The following RGCC variants were observed in gnomAD, a reference collection of about 807,000 sequenced individuals.
RGCC encodes regulator of cell cycle RGCC.
RGCC carries 15 observed loss-of-function variants against 15.4 expected under a neutral mutation model. That is an observed-to-expected ratio of 0.97 (90% CI 0.65 to 1.50). The LOEUF (loss-of-function observed/expected upper bound fraction) is 1.50. RGCC is among the 40% of genes most tolerant of loss of function. The pLI is 0.00. For synonymous variants in RGCC, 81 were observed against 78.0 expected, an observed-to-expected ratio of 1.04 and a Z score of -0.20; for missense variants, 176 against 189.7, an observed-to-expected ratio of 0.93 and a Z score of 0.42.
Position 41,458,273 on chromosome 13 carries a change from C to A in RGCC, c.50-12C>A. On this transcript the variant is annotated splice_polypyrimidine_tract_variant and intron_variant, in intron 1 of 4. Coordinates refer to ENST00000379359, the MANE Select transcript of RGCC (RefSeq NM_014059.3). This position sits in a 1 kb window ranked among gnomAD's most constrained non-coding sequence, Gnocchi z 4.4. ...TGACTTCCGTGCACTGAGCCCCTGG[C>A]CCTGCCCGCAGCCCCGGCCCTGGAC... 6.4e-7 allele frequency: 1 copy of A among 1,558,540 alleles called. No homozygotes were observed. Among genetic ancestry groups the A allele is most frequent in the Middle Eastern group, 2.1e-4 (1 of 4,828 alleles).
At chr13:41,466,740 G>A (rs2043851191) in intron 2 of RGCC, 83 bp from the exon 3 acceptor site, 1 of 964,518 alleles carries the variant, frequency 1.0e-6, no homozygotes, top group African/African-American at 1.6e-5. Flanking sequence ...AAGACAAATT[G>A]TTGGTTATCA....
At chr13:41,469,925 C>T (rs1047116023) in intron 4 of RGCC, among the ~76,000 whole-genome samples, 5 of 152,174 alleles carry the variant, frequency 3.3e-5, no homozygotes, top group African/African-American at 9.7e-5. Context: ...GAAGGTTCAG[C>T]AACTCTACTA....
At chr13:41,463,203 C>G (rs2043830085) in intron 2 of RGCC, among the ~76,000 whole-genome samples, 1 of 152,178 alleles carries the variant, frequency 6.6e-6, no homozygotes, top group African/African-American at 2.4e-5. Context: ...GGCATAGATG[C>G]TAGATGCCCA....
chr13:41,458,509 C>A lies in RGCC; in HGVS notation c.235+39C>A. 1.3e-6 allele frequency: 2 copies of A among 1,562,148 alleles called. No individual in the cohort carries two copies. Among genetic ancestry groups the A allele is most frequent in the East Asian group, 2.4e-5 (1 of 42,516 alleles). ...CCGCTAGGATGGCGCCGGGATCTCC[C>A]AGCTCCCAGGACCTGCCCCGCGAAG... On this transcript the variant is annotated intron_variant, in intron 2 of 4. Transcript: ENST00000379359. The surrounding 1 kb of genome is among the most constrained non-coding windows in gnomAD (Gnocchi z 4.4).
chr13:41,462,450 A>C (rs2043826383), intron 2 of RGCC, among the ~76,000 whole-genome samples: 2 of 152,196 alleles, frequency 1.3e-5, no homozygotes. Flanking sequence ...ACTTCAGTAC[A>C]CTAACTAGAC....
rs1218639645 is a variant in RGCC at position 41,470,599 on chromosome 13, A to G, written c.*114A>G. On this transcript the variant is annotated 3_prime_UTR_variant, in exon 5 of 5. Coordinates refer to ENST00000379359, the MANE Select transcript of RGCC (RefSeq NM_014059.3). ...CAGAGGGGACAAAGACGTGCACTCA[A>G]CCTTCTACCAGGCCACTCTCAGGCT... 15 of 1,034,718 alleles carry G rather than the reference A, an allele frequency of 1.4e-5. No individual in the cohort carries two copies. Among genetic ancestry groups the G allele is most frequent in the Admixed American group, 5.2e-5 (3 of 57,992 alleles). 64.1% of individuals were successfully genotyped at this position (1,034,718 alleles called of 1,614,324 possible).
At chr13:41,464,502 A>C (rs872357) in intron 2 of RGCC, among the ~76,000 whole-genome samples, 14 of 151,776 alleles carry the variant, frequency 9.2e-5, no homozygotes, top group Non-Finnish European at 4.4e-5. Context: ...AGGGCTTCCC[A>C]AGTAAGGTTC....
Position 41,458,402 on chromosome 13 carries a change from A to G in RGCC, c.167A>G (p.His56Arg). ...FHERHFHYEE[H>R]LERMKRRSSA... The stretch of plus-strand genomic sequence containing the variant: ...GAGCGCCACTTCCACTACGAGGAGC[A>G]CCTGGAGCGCATGAAGCGGCGCAGC... Residue 56 changes from histidine (H) to arginine (R), a missense_variant, in exon 2 of 5, where the codon CAC becomes CGC. His to Arg is a conservative substitution (Grantham distance 29). Coordinates refer to ENST00000379359, the MANE Select transcript of RGCC (RefSeq NM_014059.3). This position sits in a 1 kb window ranked among gnomAD's most constrained non-coding sequence, Gnocchi z 4.4. 2.5e-6 allele frequency: 4 copies of G among 1,600,796 alleles called. No individual in the cohort carries two copies. The highest frequency in any genetic ancestry group is 3.4e-6 in the Non-Finnish European group (4 of 1,178,640).
At chr13:41,460,800 T>C (rs1403269698) in intron 2 of RGCC, among the ~76,000 whole-genome samples, 1 of 152,250 alleles carries the variant, frequency 6.6e-6, no homozygotes, top group Non-Finnish European at 1.5e-5. Flanking sequence ...CTATACCATA[T>C]AGATACATTG....
Position 41,458,478 on chromosome 13 carries a change from C to A in RGCC, c.235+8C>A. On this transcript the variant is annotated splice_region_variant and intron_variant, in intron 2 of 4. Transcript: ENST00000379359. The surrounding 1 kb of genome is among the most constrained non-coding windows in gnomAD (Gnocchi z 4.4). ...GCTTCAGCGACTCGGAGAGTAAGTG[C>A]GGCCCCCGCTAGGATGGCGCCGGGA... 1 of 1,590,538 alleles carries A rather than the reference C, an allele frequency of 6.3e-7. No individual in the cohort carries two copies.
chr13:41,463,924 T>C (rs2139575593), intron 2 of RGCC, among the ~76,000 whole-genome samples: 1 of 152,266 alleles, frequency 6.6e-6, no homozygotes, highest in African/African-American at 2.4e-5. Flanking sequence ...GCCTGTGAGG[T>C]GAACAAATTG....
At chr13:41,462,698 A>C (rs2043827799) in intron 2 of RGCC, among the ~76,000 whole-genome samples, 1 of 152,212 alleles carries the variant, frequency 6.6e-6, no homozygotes, top group African/African-American at 2.4e-5. Context: ...ATTTAATCAG[A>C]CTAACTGGCT....
chr13:41,469,292 TAATAAGAAGAAGAAGAAG>T (rs1416003336), intron 4 of RGCC, among the ~76,000 whole-genome samples: 35 of 82,066 alleles, frequency 4.3e-4, no homozygotes, highest in African/African-American at 1.2e-3. Flanking sequence ...ATAATAATAA[TAATAAGAAGAAGAAGAAG>T]AAGAAGAAGA....
At chr13:41,469,295 T>TAATAATAATAAGAAGAAGAAGAAGAAG (rs869157194) in intron 4 of RGCC, among the ~76,000 whole-genome samples, 3 of 86,744 alleles carry the variant, frequency 3.5e-5, no homozygotes, top group African/African-American at 1.1e-4. Context: ...ATAATAATAA[T>TAATAATAATAAGAAGAAGAAGAAGAAG]AAGAAGAAGA....
chr13:41,459,363 C>G (rs1198389165), intron 2 of RGCC, among the ~76,000 whole-genome samples: 4 of 152,214 alleles, frequency 2.6e-5, no homozygotes, highest in Admixed American at 2.0e-4. Flanking sequence ...TATTCTTCAG[C>G]CTTTAATCCT....
At chr13:41,460,627 G>T (rs2043816608) in intron 2 of RGCC, among the ~76,000 whole-genome samples, 1 of 152,218 alleles carries the variant, frequency 6.6e-6, no homozygotes, top group Non-Finnish European at 1.5e-5. Flanking sequence ...ATCTGGCAGG[G>T]TCAGTAGAGC....
At position 41,458,803 on chromosome 13, in the gene RGCC, C is replaced by T. The variant is rs1461877612; in HGVS notation, c.235+333C>T. Among the ~76,000 whole-genome samples, 1 of 152,126 alleles carries T rather than the reference C, an allele frequency of 6.6e-6. No homozygotes were observed. Among genetic ancestry groups the T allele is most frequent in the Non-Finnish European group, 1.5e-5 (1 of 68,024 alleles). On this transcript the variant is annotated intron_variant, in intron 2 of 4. Coordinates refer to ENST00000379359, the MANE Select transcript of RGCC (RefSeq NM_014059.3). This position sits in a 1 kb window ranked among gnomAD's most constrained non-coding sequence, Gnocchi z 4.4. ...CCTTTCCGTGCCTCTCCCCTCTCAG[C>T]TGTAACTTTGCAGATGTGGAACAAG...
chr13:41,470,129 A>G (rs919853181), intron 4 of RGCC, among the ~76,000 whole-genome samples: 1 of 151,528 alleles, frequency 6.6e-6, no homozygotes, highest in African/African-American at 2.4e-5. Context: ...CTTGCAGACA[A>G]ACCTAAATAT....
rs1302182973 is a variant in RGCC, at chr13:41,470,630, T to C, written c.*145T>C. On this transcript the variant is annotated 3_prime_UTR_variant, in exon 5 of 5. Transcript: ENST00000379359. ...TACCAGGCCACTCTCAGGCTCACCT[T>C]AAAATCAGCCCTTGATCCCATTTCT... The C allele has an allele frequency of 1.3e-6, 1 of 793,896 alleles. No homozygotes were observed. The highest frequency in any genetic ancestry group is 2.1e-6 in the Non-Finnish European group (1 of 466,222). The allele number at this position is 793,896 out of a possible 1,614,324, so 49.2% of individuals were successfully genotyped here.
Sources: gnomAD v4.1 joint callset for allele counts (sites outside exome capture counted in the v4.1 genomes callset) on GRCh38, gnomAD v4.1.1 for gene constraint, Gnocchi (gnomAD v3.1) non-coding constraint, MANE v1.5 for transcripts, NCBI Gene and HGNC (gene_info 2026-07-23, HGNC 2026-07-21) for gene names.